XKR9: variants seen among roughly 807,000 people sequenced by gnomAD.
XKR9 encodes the protein XK-related protein 9.
XKR9 carries 32 observed loss-of-function variants against 32.0 expected under a neutral mutation model. That is an observed-to-expected ratio of 1.00 (90% CI 0.76 to 1.34). The LOEUF (loss-of-function observed/expected upper bound fraction) is 1.34. XKR9 is among the 40% of genes most tolerant of loss of function. The probability of loss-of-function intolerance (pLI) is 0.00; values close to 1 mark genes in which losing one functional copy is unlikely to be tolerated. For missense variants in XKR9, 546 were observed against 429.7 expected, an observed-to-expected ratio of 1.27 and a Z score of -2.39; for synonymous variants, 168 against 143.4, an observed-to-expected ratio of 1.17 and a Z score of -1.22.
At chr8:70,760,629 C>T (rs976018988) in intron 2 of XKR9, among the ~76,000 whole-genome samples, 5 of 152,308 alleles carry the variant, frequency 3.3e-5, no homozygotes, top group South Asian at 4.1e-4. Flanking sequence ...ATGCCTGGCA[C>T]ATTTTAGCCA....
the XKR9 span, among the ~76,000 whole-genome samples, chr8:70,956,549 C>G: frequency 6.6e-6 from 1 of 152,166 alleles, no homozygotes; most frequent in South Asian, 2.1e-4. Context: ...GGACCTTCCC[C>G]CTTCTGCCCA....
At chr8:70,716,125 G>A (rs1380031142) in intron 4 of XKR9, among the ~76,000 whole-genome samples, 1 of 152,016 alleles carries the variant, frequency 6.6e-6, no homozygotes, top group African/African-American at 2.4e-5. Flanking sequence ...AGAAAAAAAG[G>A]AACTAGTAGA....
At chr8:70,782,404 T>G (rs1325348723) in intron 2 of XKR9, among the ~76,000 whole-genome samples, 1 of 152,136 alleles carries the variant, frequency 6.6e-6, no homozygotes, top group Non-Finnish European at 1.5e-5. Flanking sequence ...AACATATTTG[T>G]GATGAGAATA....
chr8:70,886,650 G>A, the XKR9 span, among the ~76,000 whole-genome samples: 1 of 144,606 alleles, frequency 6.9e-6, no homozygotes, highest in African/African-American at 2.7e-5. Context: ...GTGATGATAA[G>A]CTTTTTTTTT....
At chr8:70,731,324 CT>C (rs34662858) in intron 4 of XKR9, among the ~76,000 whole-genome samples, 10 of 148,892 alleles carry the variant, frequency 6.7e-5, no homozygotes, top group African/African-American at 9.9e-5. Flanking sequence ...ATTTCATATG[CT>C]TTTTTTTTTG....
At chr8:70,900,600 G>GAATAAATA in the XKR9 span, among the ~76,000 whole-genome samples, 6 of 131,068 alleles carry the variant, frequency 4.6e-5, no homozygotes, top group African/African-American at 8.1e-5. Flanking sequence ...AAAATTAAAT[G>GAATAAATA]AATAAATAAA....
intron 2 of XKR9, among the ~76,000 whole-genome samples, chr8:70,757,890 T>C (rs1239972987): frequency 2.0e-5 from 3 of 152,146 alleles, no homozygotes; most frequent in Non-Finnish European, 1.5e-5. Flanking sequence ...CCTGGCTGCT[T>C]TCCTTTATTT....
the XKR9 span, among the ~76,000 whole-genome samples, chr8:70,911,855 GA>G: frequency 6.6e-6 from 1 of 152,130 alleles, no homozygotes; most frequent in Non-Finnish European, 1.5e-5. Context: ...TAAGAGGACA[GA>G]AAAATAGGAT....
Position 70,734,522 on chromosome 8 carries a change from CT to C in XKR9, c.*101del, listed in dbSNP as rs1431779934. ...GTGTGTTGTCTCTTATTTTTGCCACCTTTAATTTGAAATTAGTTCAGTGAAA... is the reference window on the plus strand; with the variant it reads ...GTGTGTTGTCTCTTATTTTTGCCACCTTAATTTGAAATTAGTTCAGTGAAA... On this transcript the variant is annotated 3_prime_UTR_variant, in exon 5 of 5. Transcript: ENST00000408926. The C allele has an allele frequency of 3.7e-6, 5 of 1,365,168 alleles. No individual in the cohort carries two copies. The highest frequency in any genetic ancestry group is 3.0e-5 in the African/African-American group (2 of 66,964). The allele number at this position is 1,365,168 out of a possible 1,614,324, so 84.6% of individuals were successfully genotyped here.
the XKR9 span, among the ~76,000 whole-genome samples, chr8:70,864,477 C>T: frequency 9.9e-5 from 15 of 152,156 alleles, no homozygotes; most frequent in African/African-American, 3.6e-4. Flanking sequence ...CTTTTTCTTT[C>T]AAACTAACCT....
the XKR9 span, among the ~76,000 whole-genome samples, chr8:70,883,964 T>C: frequency 6.6e-6 from 1 of 152,220 alleles, no homozygotes; most frequent in Non-Finnish European, 1.5e-5. Flanking sequence ...ACAGCTAGAC[T>C]GTCTTTCAAA....
the XKR9 span, among the ~76,000 whole-genome samples, chr8:71,038,287 TTC>T: frequency 2.2e-4 from 32 of 148,546 alleles, no homozygotes; most frequent in East Asian, 1.9e-3. Context: ...TTCTTTTCTT[TTC>T]TCTCTCTCTC....
At chr8:71,005,820 G>C in the XKR9 span, among the ~76,000 whole-genome samples, 1 of 152,100 alleles carries the variant, frequency 6.6e-6, no homozygotes, top group African/African-American at 2.4e-5. Flanking sequence ...TCTCTGTAAG[G>C]GTATTTCCTC....
intron 4 of XKR9, among the ~76,000 whole-genome samples, chr8:70,731,273 AAG>A (rs746028906): frequency 2.0e-5 from 3 of 151,940 alleles, no homozygotes; most frequent in Non-Finnish European, 4.4e-5. Flanking sequence ...CACACAGAGA[AAG>A]AGAGAGAGAG....
the XKR9 span, among the ~76,000 whole-genome samples, chr8:70,875,561 A>G: frequency 6.6e-6 from 1 of 152,196 alleles, no homozygotes; most frequent in Admixed American, 6.6e-5. Context: ...GGTTCTGTTT[A>G]GTCTAGTGGA....
At chr8:71,035,913 A>G in the XKR9 span, among the ~76,000 whole-genome samples, 1 of 152,160 alleles carries the variant, frequency 6.6e-6, no homozygotes, top group East Asian at 1.9e-4. Flanking sequence ...GAATGCCCTT[A>G]TCTTTAAAGA....
At chr8:70,980,052 TG>T in the XKR9 span, among the ~76,000 whole-genome samples, 1 of 152,240 alleles carries the variant, frequency 6.6e-6, no homozygotes, top group Non-Finnish European at 1.5e-5. Flanking sequence ...TCCATGTGTG[TG>T]GGACCCACTG....
the XKR9 span, among the ~76,000 whole-genome samples, chr8:70,907,351 T>G: frequency 6.6e-6 from 1 of 152,218 alleles, no homozygotes; most frequent in Non-Finnish European, 1.5e-5. Context: ...AAGTTAATAG[T>G]GATAGAATAG....
the XKR9 span, among the ~76,000 whole-genome samples, chr8:70,867,059 T>C: frequency 6.6e-6 from 1 of 152,178 alleles, no homozygotes; most frequent in Non-Finnish European, 1.5e-5. Flanking sequence ...GACTGTGTAA[T>C]TGATACGGGA....
Sources: allele counts gnomAD v4.1 joint callset (sites outside exome capture counted in the v4.1 genomes callset), GRCh38; gene constraint gnomAD v4.1.1; transcripts MANE v1.5; gene names NCBI Gene and HGNC (gene_info 2026-07-23, HGNC 2026-07-21).